The following PGAM2 variants were observed in gnomAD, a reference collection of about 807,000 sequenced individuals.
The protein encoded by PGAM2 is BPG-dependent PGAM 2.
A neutral mutation model predicts 22.5 loss-of-function variants in PGAM2; 23 were observed. The observed-to-expected ratio is 1.02, with a 90% confidence interval of 0.74 to 1.45. The LOEUF is 1.45. Among genes scored for constraint, PGAM2 ranks in the 40% most tolerant of loss-of-function variants. The pLI is 0.00. For missense variants in PGAM2, 349 were observed against 356.2 expected, an observed-to-expected ratio of 0.98 and a Z score of 0.16; for synonymous variants, 133 against 138.6, an observed-to-expected ratio of 0.96 and a Z score of 0.29.
intron 2 of PGAM2, 35 bp downstream of exon 2, chr7:44,064,797 A>AGCCCCCGCGCCAGTAAGGGGG: frequency 1.6e-6 from 1 of 633,308 alleles, no homozygotes; most frequent in Non-Finnish European, 2.8e-6. Context: ...GCTGCTGCCC[A>AGCCCCCGCGCCAGTAAGGGGG]CCCACCCTGC....
At chr7:44,063,257 C>T in intron 2 of PGAM2, 1 of 398,838 alleles carries the variant, frequency 2.5e-6, no homozygotes, top group Non-Finnish European at 4.6e-6. Flanking sequence ...GGGACACTCA[C>T]CCTTTGTTTT....
chr7:44,065,298 A>G lies in PGAM2; in HGVS notation c.232T>C (p.Trp78Arg), dbSNP rs1191913196. ...WAILDGTDQM[W>R]LPVVRTWRLN... ...CGCCAAGTGCGCACCACAGGCAGCC[A>G]CATCTGGTCCGTGCCGTCCAGGATG... The change falls in exon 1 of 3, where the codon TGG becomes CGG. Residue 78 changes from tryptophan (W) to arginine (R), a missense_variant. Coordinates refer to ENST00000297283, the MANE Select transcript of PGAM2 (RefSeq NM_000290.4). 6.2e-7 allele frequency: 1 copy of G among 1,613,682 alleles called. No homozygotes were observed. Among genetic ancestry groups the G allele is most frequent in the Non-Finnish European group, 8.5e-7 (1 of 1,180,034 alleles).
rs1379798319 is a variant in PGAM2, at chr7:44,065,348, T to C, written c.182A>G (p.Lys61Arg). 6 of 1,613,886 alleles carry C rather than the reference T, an allele frequency of 3.7e-6. No individual in the cohort carries two copies. The highest frequency in any genetic ancestry group is 5.1e-6 in the Non-Finnish European group (6 of 1,180,042). ...EFDICYTSVL[K>R]RAIRTLWAIL... ...GGCCCAGAGGGTGCGGATGGCCCGC[T>C]TCAGCACTGACGTGTAGCAGATGTC... The change falls in exon 1 of 3, where the codon AAG (lysine) becomes AGG (arginine). Residue 61 changes from lysine (K) to arginine (R), a missense_variant. Lys to Arg is a conservative substitution (Grantham distance 26). Coordinates refer to ENST00000297283, the MANE Select transcript of PGAM2 (RefSeq NM_000290.4).
chr7:44,064,485 C>T (rs978013582), intron 2 of PGAM2: 1 of 369,140 alleles, frequency 2.7e-6, no homozygotes, highest in Admixed American at 3.9e-5. Context: ...GGTGGCTTGT[C>T]CAGGGCCCCA....
intron 2 of PGAM2, 115 bp downstream of exon 2, chr7:44,064,717 T>C (rs2096155727): frequency 2.2e-6 from 2 of 911,734 alleles, no homozygotes. Flanking sequence ...CAGTGAATGA[T>C]GTGGAGCCCC....
intron 2 of PGAM2, chr7:44,063,423 A>T (rs1009779845): frequency 1.5e-5 from 3 of 200,006 alleles, no homozygotes; most frequent in Middle Eastern, 2.2e-3. Flanking sequence ...CTGGGATTAC[A>T]GGTGAGCGCC....
At chr7:44,064,797 A>AGCCCCCGCCCCAGTATGGGGG in intron 2 of PGAM2, 35 bp downstream of exon 2, 1 of 633,308 alleles carries the variant, frequency 1.6e-6, no homozygotes. Flanking sequence ...GCTGCTGCCC[A>AGCCCCCGCCCCAGTATGGGGG]CCCACCCTGC....
chr7:44,063,147 G>T, intron 2 of PGAM2: 2 of 594,340 alleles, frequency 3.4e-6, no homozygotes, highest in Admixed American at 2.4e-5. Context: ...AAAAAATGGG[G>T]ACTTCAGCCC....
intron 2 of PGAM2, 35 bp downstream of exon 2, chr7:44,064,797 A>AGCC (rs2128796236): frequency 4.7e-6 from 3 of 633,254 alleles, no homozygotes; most frequent in East Asian, 4.3e-5. Context: ...GCTGCTGCCC[A>AGCC]CCCACCCTGC....
chr7:44,065,210 T>C lies in PGAM2; in HGVS notation c.320A>G (p.His107Arg), dbSNP rs750726418. The change falls in exon 1 of 3, where the codon CAC becomes CGC. Residue 107 changes from histidine to arginine, a missense_variant. Coordinates refer to ENST00000297283, the MANE Select transcript of PGAM2 (RefSeq NM_000290.4). The stretch of plus-strand genomic sequence containing the variant: ...CCAGATCTTCACCTGCTCCTCCCCG[T>C]GCTTGGCGGCCGTTTCTGCCTTGTT... The part of the protein sequence containing the change: ...GLNKAETAAK[H>R]GEEQVKIWRR... 1.2e-6 allele frequency: 2 copies of C among 1,614,046 alleles called. No homozygotes were observed. Among genetic ancestry groups the C allele is most frequent in the Non-Finnish European group, 1.7e-6 (2 of 1,180,026 alleles).
intron 2 of PGAM2, 26 bp downstream of exon 2, chr7:44,064,806 G>A: frequency 1.3e-6 from 1 of 787,428 alleles, no homozygotes; most frequent in Non-Finnish European, 2.0e-6. Context: ...CACCCACCCT[G>A]CCCAGGCTCC....
chr7:44,065,045 A>T, intron 1 of PGAM2, 33 bp from the exon 2 acceptor site: 2 of 1,608,650 alleles, frequency 1.2e-6, no homozygotes, highest in Non-Finnish European at 1.7e-6. Context: ...TTTCCCTCCC[A>T]AGCCAGTGGG....
intron 2 of PGAM2, chr7:44,063,836 C>G (rs952066712): frequency 6.6e-6 from 1 of 152,388 alleles, no homozygotes; most frequent in Non-Finnish European, 1.5e-5. Flanking sequence ...ACCAAAAGTG[C>G]GTCCCCTTTC....
intron 2 of PGAM2, chr7:44,064,396 T>C (rs965734497): frequency 3.0e-5 from 8 of 262,486 alleles, no homozygotes; most frequent in African/African-American, 1.8e-4. Context: ...CTGCGAGGGG[T>C]CCAAGCCTAC....
chr7:44,064,825 G>T lies in PGAM2; in HGVS notation c.595+7C>A. The T allele has an allele frequency of 6.3e-7, 1 of 1,590,458 alleles. No homozygotes were observed. The highest frequency in any genetic ancestry group is 8.6e-7 in the Non-Finnish European group (1 of 1,167,772). ...CACCCTGCCCAGGCTCCTGAAGGTG[G>T]CCTCACCTTCCAGGTGCTTGACAAT... On this transcript the variant is annotated splice_region_variant and intron_variant, in intron 2 of 2. Coordinates refer to ENST00000297283, the MANE Select transcript of PGAM2 (RefSeq NM_000290.4).
rs1412082658 is a variant in PGAM2, at chr7:44,065,488, G to C, written c.42C>G (p.Ser14Arg). The change falls in exon 1 of 3, where the codon AGC becomes AGG. Residue 14 changes from serine (S) to arginine (R), a missense_variant. Physicochemically the swap from Ser to Arg is moderately radical, Grantham distance 110. Transcript: ENST00000297283. ...HRLVMVRHGESTWNQENRFCG... is the reference protein window; with the variant it reads ...HRLVMVRHGERTWNQENRFCG... ...AGAAACGGTTCTCCTGGTTCCATGT[G>C]CTCTCGCCGTGCCGGACCATCACGA... 6.2e-7 allele frequency: 1 copy of C among 1,614,056 alleles called. No individual in the cohort carries two copies. The highest frequency in any genetic ancestry group is 8.5e-7 in the Non-Finnish European group (1 of 1,180,024).
chr7:44,063,262 T>TG (rs1287561637), intron 2 of PGAM2: 16,788 of 318,658 alleles, frequency 0.053, 5 homozygotes, highest in South Asian at 0.089. Context: ...ACTCACCCTT[T>TG]GTTTTTTTTT....
rs2096151886 is a variant in PGAM2 at position 44,062,871 on chromosome 7, C to A, written c.655G>T (p.Glu219Ter). The change falls in exon 3 of 3, where the codon GAG becomes TAG. Residue 219 changes from glutamate (E) to a stop codon, truncating the protein, a stop_gained. Transcript: ENST00000297283. LOFTEE classifies it high-confidence loss of function. ...GTGGGCTTCAGCTCCTTGTTCAGCT[C>A]ATACACAATGGGGATCCCCGTGGGC... is the stretch of plus-strand genomic sequence containing the variant. ...NLPTGIPIVY[E>*]LNKELKPTKP... The A allele has an allele frequency of 1.2e-6, 2 of 1,614,120 alleles. No individual in the cohort carries two copies. The highest frequency in any genetic ancestry group is 1.3e-5 in the African/African-American group (1 of 74,944).
Position 44,065,449 on chromosome 7 carries a change from A to C in PGAM2, c.81T>G (p.Asp27Glu). ...NQENRFCGWF[D>E]AELSEKGTEE... The stretch of plus-strand genomic sequence containing the variant: ...CGGTCCCCTTTTCACTCAGCTCTGC[A>C]TCGAACCAGCCACAGAAACGGTTCT... The change falls in exon 1 of 3, where the codon GAT (aspartate) becomes GAG (glutamate). Residue 27 changes from aspartate (D) to glutamate (E), a missense_variant. By Grantham distance (45) the Asp-to-Glu change is conservative. Transcript: ENST00000297283. 1 of 1,614,044 alleles carries C rather than the reference A, an allele frequency of 6.2e-7. No homozygotes were observed. The highest frequency in any genetic ancestry group is 8.5e-7 in the Non-Finnish European group (1 of 1,180,036).
Sources: allele counts gnomAD v4.1 joint callset, GRCh38; gene constraint gnomAD v4.1.1; transcripts MANE v1.5; gene names NCBI Gene and HGNC (gene_info 2026-07-23, HGNC 2026-07-21).